Variants in ARHGAP6 observed in about 807,000 individuals in gnomAD.
The protein encoded by ARHGAP6 is rho GTPase-activating protein 6.
In ARHGAP6, 16 loss-of-function variants were observed where a neutral mutation model predicts 55.7. The observed-to-expected ratio is 0.29, with a 90% CI of 0.19 to 0.44. The LOEUF is 0.44. Ranked by LOEUF, ARHGAP6 falls within the 20% of genes least tolerant of loss-of-function variation. ARHGAP6 has a pLI of 1.00. For synonymous variants in ARHGAP6, 382 were observed against 360.9 expected (o/e 1.06, Z -0.66); for missense variants, 698 against 808.9 (o/e 0.86, Z 1.66).
At chrX:11,257,307 A>G (rs2047505328) in intron 1 of ARHGAP6, among the ~76,000 whole-genome samples, 1 of 112,242 alleles carries the variant, frequency 8.9e-6, no homozygotes, top group African/African-American at 3.2e-5. Flanking sequence ...AATGGGCTTA[A>G]TTATCTGTAG....
chrX:11,454,203 G>T (rs1314263257), intron 1 of ARHGAP6, among the ~76,000 whole-genome samples: 1 of 100,729 alleles, frequency 9.9e-6, no homozygotes, highest in South Asian at 4.7e-4. Context: ...CTCATGACAC[G>T]CCCGCCTCGG....
At chrX:11,161,586 A>G (rs1414663166) in intron 9 of ARHGAP6, among the ~76,000 whole-genome samples, 1 of 111,098 alleles carries the variant, frequency 9.0e-6, no homozygotes, top group Non-Finnish European at 1.9e-5. Context: ...ACGGGAATCA[A>G]AAGCGCTAAA....
At chrX:11,491,820 A>C (rs968844077) in intron 1 of ARHGAP6, among the ~76,000 whole-genome samples, 1 of 109,737 alleles carries the variant, frequency 9.1e-6, no homozygotes. Context: ...ACTAGTTTAC[A>C]GTCCCACCAA....
chrX:11,612,323 A>G (rs1400597601), intron 1 of ARHGAP6, among the ~76,000 whole-genome samples: 1 of 112,117 alleles, frequency 8.9e-6, no homozygotes, highest in African/African-American at 3.2e-5. Context: ...AGGTCTTCCA[A>G]TCTCAATTCT....
chrX:11,388,720 T>C (rs927790293), intron 1 of ARHGAP6, among the ~76,000 whole-genome samples: 2 of 111,975 alleles, frequency 1.8e-5, no homozygotes, highest in African/African-American at 6.5e-5. Context: ...CCATCTTGAA[T>C]TGATTTTTGT....
chrX:11,273,897 T>C (rs763287592), intron 1 of ARHGAP6, among the ~76,000 whole-genome samples: 2 of 111,780 alleles, frequency 1.8e-5, no homozygotes, highest in African/African-American at 6.5e-5. Flanking sequence ...TCCCTTATGG[T>C]GTACTCATGG....
At chrX:11,239,824 T>C (rs1212604198) in intron 2 of ARHGAP6, among the ~76,000 whole-genome samples, 2 of 112,124 alleles carry the variant, frequency 1.8e-5, no homozygotes, top group Non-Finnish European at 3.8e-5. Context: ...TACATATAAA[T>C]GTGAATTGAG....
chrX:11,416,481 G>A (rs1827786591), intron 1 of ARHGAP6, among the ~76,000 whole-genome samples: 1 of 111,147 alleles, frequency 9.0e-6, no homozygotes. Context: ...AAAATAGTGA[G>A]CACCAAATAA....
chrX:11,568,718 C>T (rs2051476930), intron 1 of ARHGAP6, among the ~76,000 whole-genome samples: 1 of 105,466 alleles, frequency 9.5e-6, no homozygotes, highest in Admixed American at 1.0e-4. Context: ...GATTGCGCCA[C>T]TGCACTCCAG....
Position 11,664,811 on chromosome X carries a change from C to A in ARHGAP6, c.18G>T (p.Leu6=). ...AGGAACAGGAGAAGACGCTGTGGAG[C>A]AGGCTCTGCGCGGACATCTCGGCGG... MSAQS[L]LHSVFSCSSP... The change falls in exon 1 of 13, where the codon CTG becomes CTT. Residue 6 remains leucine, a synonymous_variant. Transcript: ENST00000337414. The A allele has an allele frequency of 8.4e-7, 1 of 1,195,945 alleles. No homozygotes were observed. Among genetic ancestry groups the A allele is most frequent in the Non-Finnish European group, 1.1e-6 (1 of 889,123 alleles).
Position 11,461,175 on chromosome X carries a change from G to A in ARHGAP6, c.588+203066C>T, listed in dbSNP as rs148531622. Among the ~76,000 whole-genome samples the A allele has an allele frequency of 1.2e-4, 13 of 112,074 alleles. No homozygotes were observed. The East Asian group carries it at 2.0e-3, about 17-fold the overall frequency. On this transcript the variant is annotated intron_variant, in intron 1 of 12. Coordinates refer to ENST00000337414, the MANE Select transcript of ARHGAP6 (RefSeq NM_013427.3). The stretch of plus-strand genomic sequence containing the variant: ...TGCAAAACCAGTCAAGTGATCTCAC[G>A]TAACTCAAGCTGGTTGGGAAGAGAC...
At chrX:11,144,920 C>A (rs932071931) in intron 10 of ARHGAP6, among the ~76,000 whole-genome samples, 10 of 112,299 alleles carry the variant, frequency 8.9e-5, no homozygotes, top group African/African-American at 2.9e-4. Flanking sequence ...GGCACTAGTG[C>A]TTTTACAAAC....
At chrX:11,472,493 G>A (rs999058886) in intron 1 of ARHGAP6, among the ~76,000 whole-genome samples, 2 of 111,673 alleles carry the variant, frequency 1.8e-5, no homozygotes, top group Admixed American at 9.5e-5. Flanking sequence ...TAGGCAGTGG[G>A]AACAGCGGGT....
chrX:11,567,056 T>C (rs2051450334), intron 1 of ARHGAP6, among the ~76,000 whole-genome samples: 1 of 112,295 alleles, frequency 8.9e-6, no homozygotes, highest in Non-Finnish European at 1.9e-5. Context: ...TGATGCAGTC[T>C]GGCCCACCCA....
intron 1 of ARHGAP6, among the ~76,000 whole-genome samples, chrX:11,618,333 G>A (rs1452952233): frequency 8.9e-6 from 1 of 112,274 alleles, no homozygotes; most frequent in Non-Finnish European, 1.9e-5. Context: ...TGTAACAGCA[G>A]CAACAGGAAA....
At chrX:11,162,209 T>G (rs1054502899) in intron 9 of ARHGAP6, among the ~76,000 whole-genome samples, 5 of 110,371 alleles carry the variant, frequency 4.5e-5, no homozygotes, top group Non-Finnish European at 9.5e-5. Flanking sequence ...AGAAACATCA[T>G]CTCTTCATTA....
chrX:11,587,700 A>G (rs898117184), intron 1 of ARHGAP6, among the ~76,000 whole-genome samples: 88 of 112,249 alleles, frequency 7.8e-4, no homozygotes, highest in African/African-American at 2.8e-3. Context: ...CATCCCTGGG[A>G]AGAAGTTTGC....
At chrX:11,550,138 A>T (rs910629109) in intron 1 of ARHGAP6, among the ~76,000 whole-genome samples, 5 of 111,909 alleles carry the variant, frequency 4.5e-5, no homozygotes, top group Non-Finnish European at 7.5e-5. Context: ...GCAGAGAAAA[A>T]GGTTGGAAAG....
At chrX:11,208,040 T>C (rs1336638826) in intron 2 of ARHGAP6, among the ~76,000 whole-genome samples, 1 of 111,997 alleles carries the variant, frequency 8.9e-6, no homozygotes, top group African/African-American at 3.3e-5. Flanking sequence ...AAGTACTGAA[T>C]AATTGAAAGA....
Sources: allele counts gnomAD v4.1 joint callset (sites outside exome capture counted in the v4.1 genomes callset), GRCh38; gene constraint gnomAD v4.1.1; transcripts MANE v1.5; gene names NCBI Gene and HGNC (gene_info 2026-07-23, HGNC 2026-07-21).